PCCA: variants seen among roughly 807,000 people sequenced by gnomAD.
PCCA encodes the protein propionyl-CoA carboxylase alpha chain, mitochondrial.
A neutral mutation model predicts 101.3 loss-of-function variants in PCCA; 74 were observed. The ratio of observed to expected loss-of-function variants is 0.73; its 90% CI spans 0.61 to 0.89. The LOEUF (loss-of-function observed/expected upper bound fraction) is 0.89, where lower values mean the gene tolerates loss of function less well. PCCA is among the 40% of genes least tolerant of loss of function. PCCA has a pLI of 0.00. For missense variants in PCCA, 891 were observed against 907.0 expected (o/e 0.98, Z 0.23); for synonymous variants, 294 against 313.6 (o/e 0.94, Z 0.66).
At chr13:100,311,512 G>A (rs966504798) in intron 16 of PCCA, among the ~76,000 whole-genome samples, 3 of 151,880 alleles carry the variant, frequency 2.0e-5, no homozygotes, top group African/African-American at 7.3e-5. Context: ...GCTCACGCCT[G>A]TAATCCCAGC....
intron 16 of PCCA, among the ~76,000 whole-genome samples, chr13:100,312,360 G>A (rs2066988669): frequency 6.6e-6 from 1 of 152,186 alleles, no homozygotes. Context: ...GTGTCTCTGT[G>A]TCTCTGTCGA....
intron 10 of PCCA, among the ~76,000 whole-genome samples, chr13:100,265,129 A>G (rs1267789976): frequency 6.6e-6 from 1 of 152,144 alleles, no homozygotes; most frequent in Non-Finnish European, 1.5e-5. Context: ...TTCTCCCTTC[A>G]TGCGGCTTGC....
At chr13:100,166,906 C>A (rs2055101369) in intron 6 of PCCA, among the ~76,000 whole-genome samples, 1 of 152,130 alleles carries the variant, frequency 6.6e-6, no homozygotes, top group Non-Finnish European at 1.5e-5. Flanking sequence ...ATTCTTACCA[C>A]CCTTTAAATT....
At chr13:100,188,346 A>C (rs2057479901) in intron 6 of PCCA, among the ~76,000 whole-genome samples, 1 of 151,586 alleles carries the variant, frequency 6.6e-6, no homozygotes, top group African/African-American at 2.4e-5. Flanking sequence ...GAAAGAAAGA[A>C]AGAATAATGA....
At chr13:100,100,905 G>A (rs992393685) in intron 1 of PCCA, among the ~76,000 whole-genome samples, 6 of 151,974 alleles carry the variant, frequency 3.9e-5, no homozygotes, top group Middle Eastern at 3.2e-3. Flanking sequence ...CCGGGTTCAA[G>A]CGATTCTCCT....
At chr13:100,259,263 A>G (rs114464212) in intron 9 of PCCA, among the ~76,000 whole-genome samples, 2,395 of 151,252 alleles carry the variant, frequency 0.016, 69 homozygotes, top group African/African-American at 0.055. Flanking sequence ...TTTGGGGGGA[A>G]GTAGCATCTA....
At chr13:100,326,747 C>G (rs1011249410) in intron 16 of PCCA, among the ~76,000 whole-genome samples, 2 of 152,018 alleles carry the variant, frequency 1.3e-5, no homozygotes, top group African/African-American at 4.8e-5. Flanking sequence ...TCCACTTCCA[C>G]TTGATGAATA....
intron 18 of PCCA, among the ~76,000 whole-genome samples, chr13:100,351,757 A>G (rs1313050950): frequency 6.6e-6 from 1 of 152,192 alleles, no homozygotes; most frequent in Non-Finnish European, 1.5e-5. Context: ...ATAAAAATGC[A>G]TATGTTTAGA....
chr13:100,310,599 T>C (rs903643854), intron 16 of PCCA, among the ~76,000 whole-genome samples: 3 of 152,208 alleles, frequency 2.0e-5, no homozygotes, highest in African/African-American at 7.2e-5. Context: ...CTAGAAGTTA[T>C]TTATCTACTC....
chr13:100,446,517 C>T (rs1455266002), intron 20 of PCCA, among the ~76,000 whole-genome samples: 1 of 152,228 alleles, frequency 6.6e-6, no homozygotes, highest in East Asian at 1.9e-4. Flanking sequence ...TTTCCTTAGT[C>T]TCTTGGAAGG....
intron 21 of PCCA, among the ~76,000 whole-genome samples, chr13:100,504,534 C>T (rs2085919645): frequency 6.6e-6 from 1 of 152,086 alleles, no homozygotes; most frequent in Non-Finnish European, 1.5e-5. Flanking sequence ...GTGACTGTGC[C>T]CAAGATTTCT....
At position 100,266,037 on chromosome 13, in the gene PCCA, T is replaced by A. The variant is rs566035933; in HGVS notation, c.820-2652T>A. On this transcript the variant is annotated intron_variant, in intron 10 of 23. Transcript: ENST00000376285. ...TTGAGTAGACAGTTGGCTATTTAAA[T>A]CTGTAATTTAAGGGAGATATTTAGA... Among the ~76,000 whole-genome samples, 232 of 151,482 alleles carry A rather than the reference T, an allele frequency of 1.5e-3. 2 individuals are homozygous for A. Among genetic ancestry groups the A allele is most frequent in the Admixed American group, 0.014 (214 of 15,218 alleles).
chr13:100,243,947 T>C (rs762997495), intron 8 of PCCA, among the ~76,000 whole-genome samples: 1 of 152,228 alleles, frequency 6.6e-6, no homozygotes, highest in East Asian at 1.9e-4. Context: ...GATAAAAATA[T>C]GTGGCTAAGT....
At chr13:100,182,159 T>G (rs1257542160) in intron 6 of PCCA, among the ~76,000 whole-genome samples, 30 of 135,780 alleles carry the variant, frequency 2.2e-4, no homozygotes, top group Middle Eastern at 4.2e-3. Context: ...GTGCAGTGGC[T>G]TGATCTTGGC....
At chr13:100,244,357 A>G (rs1037183387) in intron 8 of PCCA, among the ~76,000 whole-genome samples, 1 of 152,056 alleles carries the variant, frequency 6.6e-6, no homozygotes, top group East Asian at 1.9e-4. Context: ...ATGGGTGCTT[A>G]TATTTTCTTT....
chr13:100,105,937 T>C (rs1365390227), intron 2 of PCCA, among the ~76,000 whole-genome samples: 2 of 145,702 alleles, frequency 1.4e-5, no homozygotes, highest in East Asian at 4.0e-4. Flanking sequence ...TATTCGTCAA[T>C]ATATGTTATT....
chr13:100,243,546 A>G (rs1253104043), intron 8 of PCCA, among the ~76,000 whole-genome samples: 5 of 152,234 alleles, frequency 3.3e-5, no homozygotes, highest in African/African-American at 1.2e-4. Flanking sequence ...AATTCAGTAT[A>G]TACTTGTTAG....
At chr13:100,184,505 G>A (rs1283851917) in intron 6 of PCCA, among the ~76,000 whole-genome samples, 1 of 152,170 alleles carries the variant, frequency 6.6e-6, no homozygotes, top group African/African-American at 2.4e-5. Context: ...TATGATGACT[G>A]GAATCGTACG....
intron 18 of PCCA, among the ~76,000 whole-genome samples, chr13:100,354,146 C>T (rs1477650139): frequency 1.3e-5 from 2 of 149,326 alleles, no homozygotes; most frequent in African/African-American, 4.9e-5. Context: ...TGTGGTGGCA[C>T]ACACTTGTAA....
Sources: gnomAD v4.1 joint callset for allele counts (sites outside exome capture counted in the v4.1 genomes callset) on GRCh38, gnomAD v4.1.1 for gene constraint, MANE v1.5 for transcripts, NCBI Gene and HGNC (gene_info 2026-07-23, HGNC 2026-07-21) for gene names.